The following ARSB variants were observed in gnomAD, a reference collection of about 807,000 sequenced individuals.
The protein encoded by ARSB is N-acetylgalactosamine-4-sulfatase.
A neutral mutation model predicts 50.9 loss-of-function variants in ARSB; 41 were observed. That is an observed-to-expected ratio of 0.81 (90% CI 0.63 to 1.04). The LOEUF (loss-of-function observed/expected upper bound fraction) is 1.04. ARSB is among the 50% of genes least tolerant of loss of function. The pLI is 0.00. For synonymous variants in ARSB, 269 were observed against 284.8 expected, an observed-to-expected ratio of 0.94 and a Z score of 0.56; for missense variants, 672 against 693.3, an observed-to-expected ratio of 0.97 and a Z score of 0.35.
chr5:78,940,151 G>C, intron 4 of ARSB, among the ~76,000 whole-genome samples: 1 of 152,094 alleles, frequency 6.6e-6, no homozygotes, highest in Non-Finnish European at 1.5e-5. Flanking sequence ...TTGTAAATTT[G>C]TTTGAGTTCA....
At chr5:78,911,402 C>A (rs931971037) in intron 4 of ARSB, among the ~76,000 whole-genome samples, 1 of 151,256 alleles carries the variant, frequency 6.6e-6, no homozygotes, top group African/African-American at 2.4e-5. Flanking sequence ...GGTGAAACCC[C>A]GTCTCTACTA....
intron 6 of ARSB, among the ~76,000 whole-genome samples, chr5:78,798,624 G>A (rs961066689): frequency 1.3e-5 from 2 of 152,182 alleles, no homozygotes; most frequent in Non-Finnish European, 2.9e-5. Context: ...CAGGAAAGAC[G>A]TGTCTAGGCT....
chr5:78,885,929 T>A lies in ARSB; in HGVS notation c.899-102A>T. ...TTGTTACTAAATGGTGCTTAAATAA[T>A]AAAAAAAAAGAAAATTCCTTGCCTT... On this transcript the variant is annotated intron_variant, in intron 4 of 7. Coordinates refer to ENST00000264914, the MANE Select transcript of ARSB (RefSeq NM_000046.5). 7 of 1,555,164 alleles carry A rather than the reference T, an allele frequency of 4.5e-6. No individual in the cohort carries two copies. The Admixed American group carries it at 5.4e-5, about 12-fold the overall frequency.
At chr5:78,824,691 T>A (rs1744364070) in intron 6 of ARSB, among the ~76,000 whole-genome samples, 1 of 152,244 alleles carries the variant, frequency 6.6e-6, no homozygotes, top group South Asian at 2.1e-4. Context: ...ATTAATAGCC[T>A]AATTTCTGGT....
chr5:78,819,962 G>A (rs925032992), intron 6 of ARSB, among the ~76,000 whole-genome samples: 3 of 152,250 alleles, frequency 2.0e-5, no homozygotes, highest in Admixed American at 1.3e-4. Flanking sequence ...CCAAGGTGAT[G>A]GCATTAAGAG....
intron 3 of ARSB, among the ~76,000 whole-genome samples, chr5:78,956,366 G>A (rs1447939968): frequency 1.3e-5 from 2 of 152,210 alleles, no homozygotes; most frequent in Middle Eastern, 3.4e-3. Context: ...AGGAAATTGT[G>A]GGGGAGAGGA....
chr5:78,788,311 T>C (rs1044470588), intron 6 of ARSB, among the ~76,000 whole-genome samples: 38 of 152,200 alleles, frequency 2.5e-4, no homozygotes, highest in African/African-American at 7.7e-4. Context: ...ATATGTTACA[T>C]AATACGTAGT....
In ARSB at chr5:78,782,540, T is replaced by C. The variant is rs927184951; in HGVS notation, c.1214-566A>G. On this transcript the variant is annotated intron_variant, in intron 6 of 7. Coordinates refer to ENST00000264914, the MANE Select transcript of ARSB (RefSeq NM_000046.5). ...TATGGGGGTAAGAACAAATTTGGTA[T>C]ACAAATTTTTGGCTGGTATCATGGA... Among the ~76,000 whole-genome samples, 4 of 152,192 alleles carry C rather than the reference T, an allele frequency of 2.6e-5. No individual in the cohort carries two copies. The South Asian group carries it at 6.2e-4, about 24-fold the overall frequency.
chr5:78,962,515 A>C (rs2112507431), intron 3 of ARSB, among the ~76,000 whole-genome samples: 1 of 141,314 alleles, frequency 7.1e-6, no homozygotes. Flanking sequence ...TCACTTCTAC[A>C]TGTGCTCGAT....
At chr5:78,811,810 T>C (rs1175199240) in intron 6 of ARSB, among the ~76,000 whole-genome samples, 1 of 152,216 alleles carries the variant, frequency 6.6e-6, no homozygotes, top group Admixed American at 6.5e-5. Flanking sequence ...GCAATGAATA[T>C]GGAATCCTTC....
At chr5:78,876,491 T>C (rs1274533193) in intron 5 of ARSB, among the ~76,000 whole-genome samples, 1 of 152,234 alleles carries the variant, frequency 6.6e-6, no homozygotes, top group Non-Finnish European at 1.5e-5. Context: ...CAATGATTAT[T>C]CCAAGATGAA....
intron 4 of ARSB, among the ~76,000 whole-genome samples, chr5:78,931,456 A>C (rs1750323995): frequency 6.6e-6 from 1 of 152,092 alleles, no homozygotes; most frequent in East Asian, 1.9e-4. Flanking sequence ...CCGCTCATTC[A>C]TGAATGCATA....
At position 78,985,195 on chromosome 5, in the gene ARSB, C is replaced by T. The variant is rs142781021; in HGVS notation, c.54G>A (p.Leu18=). ...GCAGCGGGAGGACGACGGGGAGGAG[C>T]AGCCGCCGAGGTCCGGGGCCTCGGG... ...SLPRGPGPRR[L]LLPVVLPLLL... is the part of the protein sequence containing the mutation. The change falls in exon 1 of 8, where the codon CTG becomes CTA. Residue 18 remains leucine (L), a synonymous_variant. Transcript: ENST00000264914. 1.6e-4 allele frequency: 224 copies of T among 1,397,750 alleles called. No individual in the cohort carries two copies. Among genetic ancestry groups the T allele is most frequent in the Non-Finnish European group, 2.0e-4 (220 of 1,077,674 alleles). 86.6% of individuals were successfully genotyped at this position (1,397,750 alleles called of 1,614,324 possible).
chr5:78,829,114 G>C (rs1240266244), intron 6 of ARSB, among the ~76,000 whole-genome samples: 1 of 152,240 alleles, frequency 6.6e-6, no homozygotes, highest in Non-Finnish European at 1.5e-5. Context: ...TCAGCCTTTG[G>C]AAGGGACTGC....
chr5:78,831,899 A>G (rs992662064), intron 6 of ARSB, among the ~76,000 whole-genome samples: 1 of 152,222 alleles, frequency 6.6e-6, no homozygotes, highest in Non-Finnish European at 1.5e-5. Flanking sequence ...AGAAATAAAA[A>G]TGCCTTGAAA....
At chr5:78,900,275 C>T (rs2112268397) in intron 4 of ARSB, among the ~76,000 whole-genome samples, 1 of 152,210 alleles carries the variant, frequency 6.6e-6, no homozygotes, top group South Asian at 2.1e-4. Flanking sequence ...GCAGAGTTTC[C>T]AGGGTTGGGG....
Position 78,965,717 on chromosome 5 carries a change from GGAT to G in ARSB, c.500-1114_500-1112del, listed in dbSNP as rs139875095. Among the ~76,000 whole-genome samples, 499 of 152,212 alleles carry G rather than the reference GGAT, an allele frequency of 3.3e-3. 3 individuals are homozygous for G. The highest frequency in any genetic ancestry group is 0.011 in the African/African-American group (469 of 41,528). ...ATACTGCTTATTAACCTTAAAATGAGGATGATAAAATTGACCTAGCTCTTTCTT... is the reference window on the plus strand; with the variant it reads ...ATACTGCTTATTAACCTTAAAATGAGGATAAAATTGACCTAGCTCTTTCTT... On this transcript the variant is annotated intron_variant, in intron 2 of 7. Transcript: ENST00000264914.
chr5:78,954,397 G>C (rs1751623382), intron 4 of ARSB, among the ~76,000 whole-genome samples: 1 of 152,130 alleles, frequency 6.6e-6, no homozygotes. Context: ...GAAACAGAAT[G>C]GCATCGCCAT....
chr5:78,977,496 T>C lies in ARSB; in HGVS notation c.312+7441A>G, dbSNP rs182810854. ...CTTCCCTCTTGGTTACTCCTTCTCC[T>C]TACCTCACCCCCTTCAGATTATAAG... On this transcript the variant is annotated intron_variant, in intron 1 of 7. Coordinates refer to ENST00000264914, the MANE Select transcript of ARSB (RefSeq NM_000046.5). Among the ~76,000 whole-genome samples, 386 of 152,262 alleles carry C rather than the reference T, an allele frequency of 2.5e-3. 1 individual carries two copies. The highest frequency in any genetic ancestry group is 4.9e-3 in the Non-Finnish European group (335 of 68,008).
Sources: allele counts gnomAD v4.1 joint callset (sites outside exome capture counted in the v4.1 genomes callset), GRCh38; gene constraint gnomAD v4.1.1; transcripts MANE v1.5; gene names NCBI Gene and HGNC (gene_info 2026-07-23, HGNC 2026-07-21).